The following DMGDH variants were observed in gnomAD, a reference collection of about 807,000 sequenced individuals.
The protein encoded by DMGDH is dimethylglycine dehydrogenase.
In DMGDH, 76 loss-of-function variants were observed where a neutral mutation model predicts 95.2. That is an observed-to-expected ratio of 0.80 (90% CI 0.66 to 0.97). DMGDH has a LOEUF of 0.97. Ranked by LOEUF, DMGDH falls within the 50% of genes least tolerant of loss-of-function variation. The pLI is 0.00. For synonymous variants in DMGDH, 345 were observed against 377.6 expected, an observed-to-expected ratio of 0.91 and a Z score of 1.00; for missense variants, 987 against 1,055.0, an observed-to-expected ratio of 0.94 and a Z score of 0.89.
At position 79,042,268 on chromosome 5, in the gene DMGDH, C is replaced by G; in HGVS notation, c.1193+15G>C. 6.2e-7 allele frequency: 1 copy of G among 1,610,870 alleles called. No individual in the cohort carries two copies. The highest frequency in any genetic ancestry group is 1.3e-5 in the African/African-American group (1 of 74,972). On this transcript the variant is annotated intron_variant, in intron 7 of 15. Coordinates refer to ENST00000255189, the MANE Select transcript of DMGDH (RefSeq NM_013391.3). Reference sequence around the variant, plus strand: ...TGATTCTACAATAAATGTTGAATTACATGAAGATACTTACCCAAAGCCTAT... The same window carrying G: ...TGATTCTACAATAAATGTTGAATTAGATGAAGATACTTACCCAAAGCCTAT...
chr5:79,050,273 A>AAAAAAAATATAT (rs1554037270), intron 5 of DMGDH, among the ~76,000 whole-genome samples: 1 of 20,936 alleles, frequency 4.8e-5, no homozygotes, highest in Non-Finnish European at 9.3e-5. Flanking sequence ...AAAAAAAAAA[A>AAAAAAAATATAT]ATATATATAT....
At chr5:79,017,058 A>G (rs1370998556) in intron 14 of DMGDH, among the ~76,000 whole-genome samples, 4 of 152,204 alleles carry the variant, frequency 2.6e-5, no homozygotes, top group African/African-American at 9.6e-5. Context: ...TGGATCATAG[A>G]CCTAAATGTA....
rs1374217889 is a variant in DMGDH at position 79,063,511 on chromosome 5, C to T, written c.276+102G>A. 23 of 1,366,978 alleles carry T rather than the reference C, an allele frequency of 1.7e-5. 2 individuals carry two copies. The highest frequency in any genetic ancestry group is 1.5e-4 in the South Asian group (13 of 85,080). 84.7% of individuals were successfully genotyped at this position (1,366,978 alleles called of 1,614,324 possible). On this transcript the variant is annotated intron_variant, in intron 2 of 15. Transcript: ENST00000255189. ...CACTTCCAACGCTATTGAAGGGGAA[C>T]GCACTCTAAAGAGCTCACAGTTGGG...
In DMGDH at chr5:79,030,987, C is replaced by A. The variant is rs139593666; in HGVS notation, c.1529G>T (p.Arg510Leu). The change falls in exon 10 of 16, where the codon CGC becomes CTC. Residue 510 changes from arginine (R) to leucine (L), a missense_variant. By Grantham distance (102) the Arg-to-Leu change is moderately radical. Coordinates refer to ENST00000255189, the MANE Select transcript of DMGDH (RefSeq NM_013391.3). ...GQDTQYRPSF[R>L]RTNWFEPVGS... ...CACAGGCTCAAACCAGTTTGTGCGG[C>A]GAAAACTTGGCCTGAAACACAACAT... is the stretch of plus-strand genomic sequence containing the variant. 6.2e-7 allele frequency: 1 copy of A among 1,614,152 alleles called. No homozygotes were observed. Among genetic ancestry groups the A allele is most frequent in the Non-Finnish European group, 8.5e-7 (1 of 1,180,026 alleles).
chr5:78,998,160 G>A lies in DMGDH; in HGVS notation c.2523C>T (p.Val841=). 2.5e-6 allele frequency: 4 copies of A among 1,614,156 alleles called. No individual in the cohort carries two copies. Among genetic ancestry groups the A allele is most frequent in the Non-Finnish European group, 3.4e-6 (4 of 1,180,032 alleles). ...TCAATACCAAAGGTTCTTGTATGAT[G>A]ACTGCTGGGTAATTTTTGCCTAATA... ...VELLGKNYPA[V]IIQEPLVLTE... The change falls in exon 16 of 16, where the codon GTC becomes GTT. Residue 841 remains valine, a synonymous_variant. Transcript: ENST00000255189.
At chr5:79,060,581 C>A (rs1755171640) in intron 2 of DMGDH, among the ~76,000 whole-genome samples, 1 of 151,796 alleles carries the variant, frequency 6.6e-6, no homozygotes, top group African/African-American at 2.4e-5. Flanking sequence ...GGCTCTGCAA[C>A]CTTCCTTATT....
chr5:79,032,795 C>T lies in DMGDH; in HGVS notation c.1409G>A (p.Arg470Gln), dbSNP rs368017916. The T allele has an allele frequency of 1.1e-5, 18 of 1,614,056 alleles. No individual in the cohort carries two copies. Among genetic ancestry groups the T allele is most frequent in the African/African-American group, 5.3e-5 (4 of 74,920 alleles). ...CAGCCTTTGATAGAGCCCACTGACT[C>T]GTTGAGTCGGCCTCCCAGCAAACCG... ...EERFAGRPTQ[R>Q]VSGLYQRLES... The change falls in exon 9 of 16, where the codon CGA (arginine) becomes CAA (glutamine). Residue 470 changes from arginine (R) to glutamine (Q), a missense_variant. Physicochemically the swap from Arg to Gln is conservative, Grantham distance 43. Transcript: ENST00000255189.
chr5:79,003,763 G>A (rs191847651), intron 15 of DMGDH, among the ~76,000 whole-genome samples: 205 of 152,134 alleles, frequency 1.3e-3, no homozygotes, highest in Non-Finnish European at 2.2e-3. Flanking sequence ...CCTGGGCAAC[G>A]TGGAGAAACC....
At chr5:79,014,015 C>A (rs1451492684) in intron 14 of DMGDH, among the ~76,000 whole-genome samples, 1 of 152,204 alleles carries the variant, frequency 6.6e-6, no homozygotes, top group Non-Finnish European at 1.5e-5. Context: ...AGGTAGTTTT[C>A]ATTCTCTGCC....
chr5:79,050,273 AAT>A (rs761250761), intron 5 of DMGDH, among the ~76,000 whole-genome samples: 640 of 20,870 alleles, frequency 0.031, 27 homozygotes, highest in Non-Finnish European at 0.035. Flanking sequence ...AAAAAAAAAA[AAT>A]ATATATATAT....
rs1174916759 is a variant in DMGDH, at chr5:79,050,208, A to G, written c.745+1079T>C. 2.1e-5 allele frequency among the ~76,000 whole-genome samples: 3 copies of G among 140,872 alleles called. No homozygotes were observed. The Admixed American group carries it at 2.3e-4, about 11-fold the overall frequency. 92.4% of individuals were successfully genotyped at this position (140,872 alleles called of 152,430 possible). A position where few individuals can be genotyped will look rare whatever the true frequency, so the allele number is the denominator to read the frequency against. On this transcript the variant is annotated intron_variant, in intron 5 of 15. Coordinates refer to ENST00000255189, the MANE Select transcript of DMGDH (RefSeq NM_013391.3). The stretch of plus-strand genomic sequence containing the variant: ...GGTTGCAGTGAGCCGAGATCGCGCC[A>G]TTGCACTCCAGCCCGGGGCACAAGA...
At chr5:79,064,864 C>T (rs1427771356) in intron 1 of DMGDH, among the ~76,000 whole-genome samples, 2 of 152,134 alleles carry the variant, frequency 1.3e-5, no homozygotes, top group Middle Eastern at 3.2e-3. Flanking sequence ...ATTCTCCTGC[C>T]TCAGCCTCCC....
intron 14 of DMGDH, among the ~76,000 whole-genome samples, chr5:79,007,627 A>C (rs1753575076): frequency 6.6e-6 from 1 of 152,186 alleles, no homozygotes; most frequent in African/African-American, 2.4e-5. Context: ...TTGTGCAGAG[A>C]AGCACTTAAA....
chr5:79,055,041 A>C (rs1182963495), intron 3 of DMGDH, among the ~76,000 whole-genome samples: 1 of 152,252 alleles, frequency 6.6e-6, no homozygotes, highest in Non-Finnish European at 1.5e-5. Context: ...TGGTGACCCC[A>C]GGGAAGGTGG....
rs73132125 is a variant in DMGDH, at chr5:79,053,783, G to A, written c.540+401C>T. The stretch of plus-strand genomic sequence containing the variant: ...AGCTAGGTGATATTTGTAGAGCAAC[G>A]TACCATGGCATTTCTTAATTTGATT... On this transcript the variant is annotated intron_variant, in intron 4 of 15. Coordinates refer to ENST00000255189, the MANE Select transcript of DMGDH (RefSeq NM_013391.3). 1.1e-3 allele frequency among the ~76,000 whole-genome samples: 161 copies of A among 152,312 alleles called. 1 individual carries two copies. The highest frequency in any genetic ancestry group is 3.8e-3 in the African/African-American group (159 of 41,576).
chr5:79,016,921 A>G (rs1753744130), intron 14 of DMGDH, among the ~76,000 whole-genome samples: 1 of 152,214 alleles, frequency 6.6e-6, no homozygotes, highest in Non-Finnish European at 1.5e-5. Flanking sequence ...TGACGAAGAT[A>G]TAAAGGCAAT....
At chr5:79,060,880 T>C (rs1755184506) in intron 2 of DMGDH, among the ~76,000 whole-genome samples, 1 of 148,520 alleles carries the variant, frequency 6.7e-6, no homozygotes, top group Admixed American at 6.8e-5. Flanking sequence ...ATCATGCCAC[T>C]GTACTCCAGC....
intron 4 of DMGDH, among the ~76,000 whole-genome samples, chr5:79,051,990 T>C (rs1754880716): frequency 6.6e-6 from 1 of 152,226 alleles, no homozygotes; most frequent in Non-Finnish European, 1.5e-5. Flanking sequence ...GTCTCATCTA[T>C]TCAACAAAAA....
chr5:79,019,369 C>T (rs1162482330), intron 14 of DMGDH, among the ~76,000 whole-genome samples: 1 of 152,098 alleles, frequency 6.6e-6, no homozygotes, highest in Non-Finnish European at 1.5e-5. Flanking sequence ...GACCAATCCA[C>T]ATGTTTTTCT....
Sources: allele counts gnomAD v4.1 joint callset (sites outside exome capture counted in the v4.1 genomes callset), GRCh38; gene constraint gnomAD v4.1.1; transcripts MANE v1.5; gene names NCBI Gene and HGNC (gene_info 2026-07-23, HGNC 2026-07-21).